The following RPS6KC1 variants were observed in gnomAD, a reference collection of about 807,000 sequenced individuals.
RPS6KC1 encodes inactive ribosomal protein S6 kinase delta-1.
A neutral mutation model predicts 103.8 loss-of-function variants in RPS6KC1; 54 were observed. The ratio of observed to expected loss-of-function variants is 0.52; its 90% CI spans 0.42 to 0.65. The LOEUF (loss-of-function observed/expected upper bound fraction) is 0.65. Among genes scored for constraint, RPS6KC1 ranks in the 30% least tolerant of loss-of-function variants. The pLI is 0.00. For missense variants in RPS6KC1, 1,151 were observed against 1,253.8 expected, an observed-to-expected ratio of 0.92 and a Z score of 1.24; for synonymous variants, 439 against 438.7, an observed-to-expected ratio of 1.00 and a Z score of -0.01.
chr1:213,545,407 TAAATAAATAAAATA>T, the RPS6KC1 span, among the ~76,000 whole-genome samples: 4 of 78,884 alleles, frequency 5.1e-5, no homozygotes, highest in African/African-American at 1.5e-4. Flanking sequence ...AATAAATAAA[TAAATAAATAAAATA>T]AAATAAAATA....
rs1448921377 is a variant in RPS6KC1, at chr1:213,117,353, C to T, written c.415C>T (p.Pro139Ser). Residue 139 changes from proline to serine, a missense_variant, in exon 5 of 15, where the codon CCT becomes TCT. Coordinates refer to ENST00000366960, the MANE Select transcript of RPS6KC1 (RefSeq NM_012424.6). The part of the protein sequence containing the change: ...IINDSSELIG[P>S]AEAHSDSLID... ...TAATGATAGTTCTGAATTAATTGGT[C>T]CTGCTGAAGCTCACTCAGATTCCCT... is the stretch of plus-strand genomic sequence containing the variant. 4 of 1,609,548 alleles carry T rather than the reference C, an allele frequency of 2.5e-6. No homozygotes were observed. Among genetic ancestry groups the T allele is most frequent in the African/African-American group, 2.7e-5 (2 of 74,760 alleles).
At chr1:213,059,835 G>A (rs2077670010) in intron 1 of RPS6KC1, among the ~76,000 whole-genome samples, 1 of 152,184 alleles carries the variant, frequency 6.6e-6, no homozygotes, top group Non-Finnish European at 1.5e-5. Flanking sequence ...ACCGTGCCCA[G>A]CTAATTTTTA....
chr1:213,665,317 T>G, the RPS6KC1 span, among the ~76,000 whole-genome samples: 1 of 151,830 alleles, frequency 6.6e-6, no homozygotes, highest in African/African-American at 2.4e-5. Flanking sequence ...GTAGAAAATA[T>G]TCAAATAAGC....
chr1:213,064,050 AT>A (rs2148383886), intron 1 of RPS6KC1, among the ~76,000 whole-genome samples: 1 of 152,162 alleles, frequency 6.6e-6, no homozygotes, highest in South Asian at 2.1e-4. Flanking sequence ...TCTGAACTTT[AT>A]TTTTATTTTT....
chr1:213,841,701 T>C, the RPS6KC1 span, among the ~76,000 whole-genome samples: 2 of 152,184 alleles, frequency 1.3e-5, no homozygotes, highest in East Asian at 1.9e-4. Context: ...AATTGTCCAA[T>C]TTTTAAGGAA....
the RPS6KC1 span, among the ~76,000 whole-genome samples, chr1:213,409,040 T>G: frequency 6.6e-6 from 1 of 152,062 alleles, no homozygotes; most frequent in Non-Finnish European, 1.5e-5. Flanking sequence ...TTTAGAGGCC[T>G]CCTGGAGCTG....
chr1:213,361,123 T>C, the RPS6KC1 span, among the ~76,000 whole-genome samples: 2 of 152,236 alleles, frequency 1.3e-5, no homozygotes, highest in African/African-American at 4.8e-5. Context: ...AGGTTTCTGC[T>C]GCCTTTTGTT....
the RPS6KC1 span, among the ~76,000 whole-genome samples, chr1:213,604,443 C>T: frequency 6.6e-5 from 10 of 152,256 alleles, no homozygotes; most frequent in Non-Finnish European, 1.2e-4. Flanking sequence ...CAATAAACTG[C>T]ACCCTCTCAG....
chr1:213,139,064 CT>C (rs201908152), intron 6 of RPS6KC1, among the ~76,000 whole-genome samples: 2,883 of 152,104 alleles, frequency 0.019, 91 homozygotes, highest in African/African-American at 0.064. Context: ...GTATGAGATG[CT>C]GTCTCATTGT....
At chr1:213,779,164 A>G in the RPS6KC1 span, among the ~76,000 whole-genome samples, 7 of 152,340 alleles carry the variant, frequency 4.6e-5, no homozygotes, top group South Asian at 8.3e-4. Flanking sequence ...CAGGAGCACA[A>G]TGAAAGGATG....
At chr1:213,073,211 C>T (rs1341628075) in intron 2 of RPS6KC1, among the ~76,000 whole-genome samples, 2 of 152,174 alleles carry the variant, frequency 1.3e-5, no homozygotes, top group Non-Finnish European at 2.9e-5. Flanking sequence ...TTTCCCTCTC[C>T]ATTAACTTAT....
At chr1:213,318,419 T>A in the RPS6KC1 span, among the ~76,000 whole-genome samples, 3 of 152,250 alleles carry the variant, frequency 2.0e-5, no homozygotes, top group African/African-American at 7.2e-5. Flanking sequence ...CCTTGTAAAT[T>A]TATTAATTTG....
At chr1:213,272,214 T>C (rs2149191643) in intron 14 of RPS6KC1, among the ~76,000 whole-genome samples, 1 of 152,316 alleles carries the variant, frequency 6.6e-6, no homozygotes, top group South Asian at 2.1e-4. Flanking sequence ...CATGGTGTAC[T>C]TTTGGGGTAG....
intron 5 of RPS6KC1, 134 bp from the exon 6 acceptor site, chr1:213,129,393 A>G: frequency 1.0e-6 from 1 of 953,376 alleles, no homozygotes; most frequent in Non-Finnish European, 1.6e-6. Flanking sequence ...ATTGCTAGAC[A>G]CTGACTTCCA....
At chr1:213,111,928 A>C (rs1206903343) in intron 4 of RPS6KC1, among the ~76,000 whole-genome samples, 1 of 152,218 alleles carries the variant, frequency 6.6e-6, no homozygotes. Flanking sequence ...GAATATTGTA[A>C]TAAAGTGTAG....
chr1:213,225,807 G>C (rs1443900815), intron 8 of RPS6KC1, among the ~76,000 whole-genome samples: 5 of 152,198 alleles, frequency 3.3e-5, no homozygotes. Flanking sequence ...GCTTTTAATA[G>C]GGAGAAGTTC....
the RPS6KC1 span, among the ~76,000 whole-genome samples, chr1:213,639,599 G>A: frequency 6.6e-6 from 1 of 152,010 alleles, no homozygotes; most frequent in Non-Finnish European, 1.5e-5. Flanking sequence ...TACTGAGGGT[G>A]TCTATTATAA....
chr1:213,243,964 AC>A (rs2094409363), intron 12 of RPS6KC1, among the ~76,000 whole-genome samples: 1 of 152,174 alleles, frequency 6.6e-6, no homozygotes, highest in Non-Finnish European at 1.5e-5. Context: ...AAGTTTTCCA[AC>A]CTATAAAATA....
the RPS6KC1 span, among the ~76,000 whole-genome samples, chr1:213,786,943 A>G: frequency 3.3e-4 from 51 of 152,324 alleles, no homozygotes; most frequent in African/African-American, 1.1e-3. Flanking sequence ...AGGAAGAACT[A>G]GGTTAGTCAT....
Sources: gnomAD v4.1 joint callset for allele counts (sites outside exome capture counted in the v4.1 genomes callset) on GRCh38, gnomAD v4.1.1 for gene constraint, MANE v1.5 for transcripts, NCBI Gene and HGNC (gene_info 2026-07-23, HGNC 2026-07-21) for gene names.